EIF5B: variants seen among roughly 807,000 people sequenced by gnomAD.
EIF5B encodes the protein eukaryotic translation initiation factor 5B.
In EIF5B, 47 loss-of-function variants were observed where a neutral mutation model predicts 147.5. That is an observed-to-expected ratio of 0.32 (90% CI 0.25 to 0.41). EIF5B has a LOEUF of 0.41. Among genes scored for constraint, EIF5B ranks in the 10% least tolerant of loss-of-function variants. The pLI is 1.00. For synonymous variants in EIF5B, 455 were observed against 456.2 expected (o/e 1.00, Z 0.03); for missense variants, 1,064 against 1,413.2 (o/e 0.75, Z 3.96).
At chr2:99,341,576 G>A (rs1220072861) in intron 1 of EIF5B, among the ~76,000 whole-genome samples, 1 of 152,182 alleles carries the variant, frequency 6.6e-6, no homozygotes, top group African/African-American at 2.4e-5. Context: ...GGAACTGAGT[G>A]TCAGTGGTTA....
intron 17 of EIF5B, among the ~76,000 whole-genome samples, chr2:99,391,729 CTTTTTTTTTT>C (rs759464054): frequency 3.1e-5 from 4 of 129,838 alleles, no homozygotes; most frequent in Non-Finnish European, 6.6e-5. Flanking sequence ...ATAGCTGGCT[CTTTTTTTTTT>C]TTTTTTTTTG....
chr2:99,371,862 C>A, intron 9 of EIF5B, 132 bp downstream of exon 9: 1 of 730,442 alleles, frequency 1.4e-6, no homozygotes, highest in Non-Finnish European at 2.0e-6. Context: ...GTCTCTTGTT[C>A]TCTCCTTTGC....
At chr2:99,345,943 CAA>C (rs70940169) in intron 1 of EIF5B, among the ~76,000 whole-genome samples, 178 of 137,002 alleles carry the variant, frequency 1.3e-3, no homozygotes, top group Middle Eastern at 3.9e-3. Context: ...GACCCTGTCT[CAA>C]AAAAAAAAAA....
chr2:99,396,914 A>T lies in EIF5B; in HGVS notation c.3393+16A>T. On this transcript the variant is annotated intron_variant, in intron 22 of 23. Coordinates refer to ENST00000289371, the MANE Select transcript of EIF5B (RefSeq NM_015904.4). ...AAGCAAAAATGTAAGTTCTAGTTGT[A>T]CATTCTGTGGGTCATTTCTTAAAGC... 1 of 1,588,322 alleles carries T rather than the reference A, an allele frequency of 6.3e-7. No individual in the cohort carries two copies. Among genetic ancestry groups the T allele is most frequent in the Non-Finnish European group, 8.5e-7 (1 of 1,171,896 alleles).
intron 15 of EIF5B, 112 bp from the exon 16 acceptor site, chr2:99,390,107 A>G: frequency 7.9e-7 from 1 of 1,259,234 alleles, no homozygotes. Context: ...TTTAGTGTTT[A>G]TGAGGAGTTT....
chr2:99,381,693 G>A (rs752591924), intron 12 of EIF5B, among the ~76,000 whole-genome samples: 1 of 151,990 alleles, frequency 6.6e-6, no homozygotes, highest in Non-Finnish European at 1.5e-5. Flanking sequence ...AACAGGGTAT[G>A]CATTTACTCT....
intron 9 of EIF5B, among the ~76,000 whole-genome samples, chr2:99,372,640 G>A (rs563334968): frequency 2.4e-4 from 37 of 152,258 alleles, no homozygotes; most frequent in Middle Eastern, 3.4e-3. Context: ...AGCCCGCCTA[G>A]TGTATTTCTT....
intron 4 of EIF5B, among the ~76,000 whole-genome samples, chr2:99,362,551 T>C (rs189917399): frequency 0.011 from 1,673 of 151,764 alleles, 9 homozygotes; most frequent in Middle Eastern, 0.024. Flanking sequence ...ATACAATAAT[T>C]AGCCGGGCAT....
chr2:99,351,778 A>G (rs1673971984), intron 1 of EIF5B, among the ~76,000 whole-genome samples: 1 of 152,088 alleles, frequency 6.6e-6, no homozygotes, highest in African/African-American at 2.4e-5. Context: ...GCTCACTGCA[A>G]CCTTTGTTTC....
intron 1 of EIF5B, among the ~76,000 whole-genome samples, chr2:99,349,911 C>T (rs1446116952): frequency 6.6e-6 from 1 of 152,204 alleles, no homozygotes; most frequent in Admixed American, 6.5e-5. Context: ...ATTCTCCTAA[C>T]TGTAACTTGA....
At chr2:99,373,370 A>G (rs1429881317) in intron 9 of EIF5B, among the ~76,000 whole-genome samples, 1 of 152,196 alleles carries the variant, frequency 6.6e-6, no homozygotes, top group Non-Finnish European at 1.5e-5. Context: ...TGCTTCCAAG[A>G]TGGCACCTTG....
At chr2:99,364,523 C>G (rs1674286256) in intron 6 of EIF5B, 102 bp downstream of exon 6, 1 of 1,157,540 alleles carries the variant, frequency 8.6e-7, no homozygotes, top group East Asian at 2.5e-5. Context: ...CAGGACAGTT[C>G]CTATGAAAAA....
At chr2:99,342,947 TC>T (rs869221988) in intron 1 of EIF5B, among the ~76,000 whole-genome samples, 1 of 149,978 alleles carries the variant, frequency 6.7e-6, no homozygotes, top group Non-Finnish European at 1.5e-5. Context: ...GTTGTCTTTT[TC>T]TTTCTTTCTT....
intron 12 of EIF5B, among the ~76,000 whole-genome samples, chr2:99,380,760 C>T (rs1674671829): frequency 6.6e-6 from 1 of 152,100 alleles, no homozygotes; most frequent in Non-Finnish European, 1.5e-5. Flanking sequence ...TTTGTCTCTC[C>T]AGTTTTTGTT....
chr2:99,371,488 CAAA>C (rs201222383), intron 8 of EIF5B, among the ~76,000 whole-genome samples, 165 bp from the exon 9 acceptor site: 9 of 111,992 alleles, frequency 8.0e-5, no homozygotes, highest in Admixed American at 2.5e-4. Context: ...GACTCCGTCT[CAAA>C]AAAAAAAAAA....
chr2:99,390,441 T>TTAA, intron 16 of EIF5B, 40 bp downstream of exon 16: 1 of 1,554,010 alleles, frequency 6.4e-7, no homozygotes, highest in Non-Finnish European at 8.7e-7. Context: ...TTTTTTTTTT[T>TTAA]AAAAATAGCA....
At chr2:99,396,958 AGTC>A in intron 22 of EIF5B, 60 bp downstream of exon 22, 1 of 1,543,526 alleles carries the variant, frequency 6.5e-7, no homozygotes, top group Non-Finnish European at 8.7e-7. Context: ...AGTGTCCAAG[AGTC>A]GTACCAACAC....
At chr2:99,381,932 A>C (rs1302341258) in intron 12 of EIF5B, among the ~76,000 whole-genome samples, 4 of 152,144 alleles carry the variant, frequency 2.6e-5, no homozygotes, top group African/African-American at 4.8e-5. Context: ...GTAAGACCTT[A>C]AGAAAGGAGA....
At chr2:99,348,879 T>C (rs1239424293) in intron 1 of EIF5B, among the ~76,000 whole-genome samples, 1 of 152,190 alleles carries the variant, frequency 6.6e-6, no homozygotes, top group Admixed American at 6.5e-5. Flanking sequence ...GGAAGAAATA[T>C]GGGGGTGCTT....
Sources: gnomAD v4.1 joint callset for allele counts (sites outside exome capture counted in the v4.1 genomes callset) on GRCh38, gnomAD v4.1.1 for gene constraint, MANE v1.5 for transcripts, NCBI Gene and HGNC (gene_info 2026-07-23, HGNC 2026-07-21) for gene names.